NRG1: variants seen among roughly 807,000 people sequenced by gnomAD.
The protein encoded by NRG1 is neuregulin 1.
Under a neutral mutation model 63.8 loss-of-function variants are expected in NRG1, and 18 were observed. That is an observed-to-expected ratio of 0.28 (90% confidence interval 0.19 to 0.42). The LOEUF is 0.42. NRG1 is among the 10% of genes least tolerant of loss of function. NRG1 has a pLI of 1.00. For missense variants in NRG1, 762 were observed against 814.7 expected, an observed-to-expected ratio of 0.94 and a Z score of 0.79; for synonymous variants, 302 against 301.3, an observed-to-expected ratio of 1.00 and a Z score of -0.02.
At chr8:32,529,469 T>A (rs566985382) in intron 1 of NRG1, among the ~76,000 whole-genome samples, 1 of 152,346 alleles carries the variant, frequency 6.6e-6, no homozygotes, top group African/African-American at 2.4e-5. Context: ...AATTACTATA[T>A]CTTTTCACTT....
chr8:32,119,244 C>A (rs1487646386), intron 1 of NRG1, among the ~76,000 whole-genome samples: 2 of 152,070 alleles, frequency 1.3e-5, no homozygotes, highest in Non-Finnish European at 2.9e-5. Flanking sequence ...CCCATGAAAT[C>A]AGTACTTTGT....
At chr8:32,182,739 C>T (rs1841564871) in intron 1 of NRG1, among the ~76,000 whole-genome samples, 1 of 152,168 alleles carries the variant, frequency 6.6e-6, no homozygotes, top group East Asian at 1.9e-4. Flanking sequence ...AATATAAAAT[C>T]TTTACAAAAC....
chr8:32,336,947 A>G lies in NRG1; in HGVS notation c.38-258881A>G, dbSNP rs538640395. Reference sequence around the variant, plus strand: ...TTTATTCTACATACAATGGGAAGCCATTTGAGGGATTTCAGCAAGGAGATT... The same window carrying G: ...TTTATTCTACATACAATGGGAAGCCGTTTGAGGGATTTCAGCAAGGAGATT... On this transcript the variant is annotated intron_variant, in intron 1 of 10. Coordinates refer to the NRG1 transcript ENST00000519301. Among the ~76,000 whole-genome samples, 19 of 152,198 alleles carry G rather than the reference A, an allele frequency of 1.2e-4. No homozygotes were observed. In the South Asian group the frequency reaches 3.5e-3, roughly 28 times the overall value.
chr8:32,341,234 C>A (rs1467983613), intron 1 of NRG1, among the ~76,000 whole-genome samples: 1 of 152,176 alleles, frequency 6.6e-6, no homozygotes, highest in East Asian at 1.9e-4. Context: ...TATAATGAGT[C>A]ATGTTTAAGA....
At chr8:31,851,662 G>C (rs1393513637) in intron 1 of NRG1, among the ~76,000 whole-genome samples, 1 of 151,474 alleles carries the variant, frequency 6.6e-6, no homozygotes, top group Non-Finnish European at 1.5e-5. Flanking sequence ...CAATGTTCAG[G>C]TTAGTTACAT....
chr8:32,710,285 T>C (rs1367658030), intron 5 of NRG1, among the ~76,000 whole-genome samples: 1 of 152,222 alleles, frequency 6.6e-6, no homozygotes, highest in Non-Finnish European at 1.5e-5. Flanking sequence ...ATGTAATTTA[T>C]CTGCATCTCT....
chr8:31,699,583 C>T (rs1368246199), intron 1 of NRG1, among the ~76,000 whole-genome samples: 1 of 152,118 alleles, frequency 6.6e-6, no homozygotes, highest in Non-Finnish European at 1.5e-5. Flanking sequence ...GCACTTCATG[C>T]CTGAGTCTTT....
intron 1 of NRG1, among the ~76,000 whole-genome samples, chr8:32,039,428 C>G (rs914379572): frequency 6.6e-6 from 1 of 152,144 alleles, no homozygotes. Flanking sequence ...CTTAGTCTCT[C>G]AGATGCTATA....
At chr8:32,279,761 A>T (rs1421933296) in intron 1 of NRG1, among the ~76,000 whole-genome samples, 2 of 152,206 alleles carry the variant, frequency 1.3e-5, no homozygotes, top group African/African-American at 2.4e-5. Context: ...TCTAGGTGAT[A>T]TTCTAGGTAA....
At chr8:32,324,421 C>T (rs1801766661) in intron 1 of NRG1, among the ~76,000 whole-genome samples, 1 of 152,098 alleles carries the variant, frequency 6.6e-6, no homozygotes, top group Admixed American at 6.6e-5. Context: ...CTTGGGCTTG[C>T]TTTTGAGTAC....
chr8:31,688,727 G>A (rs1389196067), intron 1 of NRG1, among the ~76,000 whole-genome samples: 1 of 152,176 alleles, frequency 6.6e-6, no homozygotes, highest in Non-Finnish European at 1.5e-5. Flanking sequence ...TGAAGACTGG[G>A]TTGGGGGTAA....
intron 7 of NRG1, among the ~76,000 whole-genome samples, chr8:32,773,790 C>T (rs1280561128): frequency 1.3e-5 from 2 of 152,152 alleles, no homozygotes; most frequent in Admixed American, 1.3e-4. Flanking sequence ...CCCTCCATGG[C>T]TCCCCACCTG....
At chr8:32,595,238 G>A (rs1024268173) in intron 1 of NRG1, among the ~76,000 whole-genome samples, 14 of 151,852 alleles carry the variant, frequency 9.2e-5, no homozygotes, top group Admixed American at 7.2e-4. Context: ...CACCCAGGCT[G>A]AAGTGCAGTG....
At chr8:32,537,210 A>AAAAAAAAAAAAAAAAAAAAC in intron 1 of NRG1, among the ~76,000 whole-genome samples, 1 of 149,594 alleles carries the variant, frequency 6.7e-6, no homozygotes, top group Non-Finnish European at 1.5e-5. Flanking sequence ...AAAAAAAAAA[A>AAAAAAAAAAAAAAAAAAAAC]AAAAAAAAAA....
intron 1 of NRG1, among the ~76,000 whole-genome samples, chr8:31,692,491 A>G (rs2131137165): frequency 6.6e-6 from 1 of 152,340 alleles, no homozygotes; most frequent in East Asian, 1.9e-4. Context: ...TAAACAGTTT[A>G]GTTGAGAAAA....
intron 1 of NRG1, among the ~76,000 whole-genome samples, chr8:32,230,537 A>G (rs540305762): frequency 6.6e-6 from 1 of 152,288 alleles, no homozygotes; most frequent in African/African-American, 2.4e-5. Context: ...GAAAGTGGAA[A>G]GTGACTAAAA....
intron 5 of NRG1, among the ~76,000 whole-genome samples, chr8:32,666,859 A>G (rs1306887988): frequency 6.6e-6 from 1 of 152,190 alleles, no homozygotes. Flanking sequence ...AAGTGGAATC[A>G]TGCGTTATTT....
rs560596647 is a variant in NRG1 at position 31,828,211 on chromosome 8, C to G, written c.37+188780C>G. On this transcript the variant is annotated intron_variant, in intron 1 of 10. Transcript: ENST00000519301. ...TGATGTGTATTTATGGCATTATCTACCACATGTGTTTGTCCTGTAGAATTT... is the reference window on the plus strand; with the variant it reads ...TGATGTGTATTTATGGCATTATCTAGCACATGTGTTTGTCCTGTAGAATTT... 3.5e-4 allele frequency among the ~76,000 whole-genome samples: 54 copies of G among 152,276 alleles called. 2 individuals are homozygous for G. The South Asian group carries it at 0.011, about 30-fold the overall frequency.
At chr8:32,518,153 C>T (rs1316703838) in intron 1 of NRG1, among the ~76,000 whole-genome samples, 1 of 152,152 alleles carries the variant, frequency 6.6e-6, no homozygotes, top group African/African-American at 2.4e-5. Context: ...TCAGAACTTA[C>T]TCATCACATC....
Sources: allele counts gnomAD v4.1 joint callset (sites outside exome capture counted in the v4.1 genomes callset), GRCh38; gene constraint gnomAD v4.1.1; transcripts MANE v1.5; gene names NCBI Gene and HGNC (gene_info 2026-07-23, HGNC 2026-07-21).